ZNF496: variants seen among roughly 807,000 people sequenced by gnomAD.
ZNF496 encodes zinc finger protein 496.
ZNF496 carries 11 observed loss-of-function variants against 58.9 expected under a neutral mutation model. The observed-to-expected ratio is 0.19, with a 90% confidence interval of 0.12 to 0.31. The LOEUF (loss-of-function observed/expected upper bound fraction) is 0.31. Ranked by LOEUF, ZNF496 falls within the 10% of genes least tolerant of loss-of-function variation. The pLI, the probability that ZNF496 is intolerant of heterozygous loss-of-function variation, is 1.00. For missense variants in ZNF496, 660 were observed against 783.0 expected, an observed-to-expected ratio of 0.84 and a Z score of 1.88; for synonymous variants, 338 against 318.2, an observed-to-expected ratio of 1.06 and a Z score of -0.66.
At chr1:247,327,680 T>G (rs1660179856) in intron 5 of ZNF496, among the ~76,000 whole-genome samples, 1 of 152,226 alleles carries the variant, frequency 6.6e-6, no homozygotes, top group Non-Finnish European at 1.5e-5. Flanking sequence ...GTTTTATTAC[T>G]GAAAAGCTTA....
intron 9 of ZNF496, chr1:247,307,384 T>C: frequency 1.0e-6 from 1 of 985,448 alleles, no homozygotes; most frequent in Middle Eastern, 5.2e-4. Context: ...AAAACTCCTG[T>C]GTATAAATGA....
At chr1:247,328,120 GA>G (rs1660196276) in intron 5 of ZNF496, among the ~76,000 whole-genome samples, 1 of 152,162 alleles carries the variant, frequency 6.6e-6, no homozygotes, top group Non-Finnish European at 1.5e-5. Flanking sequence ...TTTATCTGAT[GA>G]AAAAACTACT....
chr1:247,304,827 G>A (rs1479907553), intron 9 of ZNF496, among the ~76,000 whole-genome samples: 1 of 151,980 alleles, frequency 6.6e-6, no homozygotes, highest in African/African-American at 2.4e-5. Context: ...TAGCTGGAGA[G>A]GGTTTTGCCT....
In ZNF496 at chr1:247,310,338, A is replaced by G; in HGVS notation, c.770T>C (p.Val257Ala). ...GEFIIGEDYG[V>A]SMPPNDLAAQ... is the part of the protein sequence containing the mutation. Reference sequence around the variant, plus strand: ...TTAAGTCTTACTTGGAGGCATTGAGACCCCGTAATCCTCCCCAATGATGAA... The same window carrying G: ...TTAAGTCTTACTTGGAGGCATTGAGGCCCCGTAATCCTCCCCAATGATGAA... The change falls in exon 7 of 10, where the codon GTC (valine) becomes GCC (alanine). Residue 257 changes from valine (V) to alanine (A), a missense_variant. Coordinates refer to ENST00000682384, the MANE Select transcript of ZNF496 (RefSeq NM_032752.3). The G allele has an allele frequency of 1.2e-6, 2 of 1,613,956 alleles. 1 individual carries two copies. The highest frequency in any genetic ancestry group is 2.2e-5 in the South Asian group (2 of 91,068).
intron 6 of ZNF496, among the ~76,000 whole-genome samples, chr1:247,315,416 T>C (rs1321240574): frequency 1.3e-5 from 2 of 152,082 alleles, no homozygotes; most frequent in Non-Finnish European, 2.9e-5. Context: ...ATGACAAACA[T>C]TGAGAACCCA....
rs765004187 is a variant in ZNF496, at chr1:247,301,069, G to C, written c.1214C>G (p.Ser405Cys). The C allele has an allele frequency of 1.2e-6, 2 of 1,613,766 alleles. No homozygotes were observed. Among genetic ancestry groups the C allele is most frequent in the Non-Finnish European group, 1.7e-6 (2 of 1,180,048 alleles). ...TTTCCCACAGTTCGGACACACGTAG[G>C]ACTTCTTGGAGGTCTGCACCTCGCC... ...AGGEVQTSKK[S>C]YVCPNCGKIF... is the part of the protein sequence containing the mutation. The change falls in exon 10 of 10, where the codon TCC (serine) becomes TGC (cysteine). Residue 405 changes from serine to cysteine, a missense_variant. Coordinates refer to ENST00000682384, the MANE Select transcript of ZNF496 (RefSeq NM_032752.3).
chr1:247,304,114 C>T (rs1445949687), intron 9 of ZNF496: 2 of 400,796 alleles, frequency 5.0e-6, no homozygotes, highest in Admixed American at 3.2e-5. Context: ...TGGGATTCTA[C>T]AAACTGGCCG....
In ZNF496 at chr1:247,300,757, G is replaced by C. The variant is rs367671097; in HGVS notation, c.1526C>G (p.Pro509Arg). Residue 509 changes from proline to arginine, a missense_variant, in exon 10 of 10, where the codon CCC becomes CGC. Coordinates refer to ENST00000682384, the MANE Select transcript of ZNF496 (RefSeq NM_032752.3). This position sits in a 1 kb window ranked among gnomAD's most constrained non-coding sequence, Gnocchi z 5.7. ...CTTGCCGTTTTCCAGCGGCTCTTTG[G>C]GACCCTTGTCCGCGTCCTCGGATGC... ...QAASEDADKG[P>R]KEPLENGKAK... 5.0e-6 allele frequency: 8 copies of C among 1,609,412 alleles called. No homozygotes were observed. The highest frequency in any genetic ancestry group is 6.8e-6 in the Non-Finnish European group (8 of 1,176,578).
intron 6 of ZNF496, among the ~76,000 whole-genome samples, chr1:247,314,055 C>T (rs997014846): frequency 3.3e-5 from 5 of 152,032 alleles, no homozygotes; most frequent in Admixed American, 6.6e-5. Context: ...ATTTTAATTT[C>T]TATTTTTATC....
chr1:247,317,736 GGA>G (rs2103026367), intron 6 of ZNF496, among the ~76,000 whole-genome samples: 1 of 152,290 alleles, frequency 6.6e-6, no homozygotes, highest in Admixed American at 6.5e-5. Flanking sequence ...TTCTCTTGCT[GGA>G]GCTATGTCAA....
rs1660265420 is a variant in ZNF496, at chr1:247,329,993, A to G, written c.-65T>C. On this transcript the variant is annotated 5_prime_UTR_variant, in exon 3 of 10. Coordinates refer to ENST00000682384, the MANE Select transcript of ZNF496 (RefSeq NM_032752.3). The surrounding 1 kb of genome is among the most constrained non-coding windows in gnomAD (Gnocchi z 5.5). The stretch of plus-strand genomic sequence containing the variant: ...TGGGTGGCTGGGTCCTCCTGGAGAG[A>G]TCCGAGATGGGCAGGCCAAGCAGGC... The G allele has an allele frequency of 6.0e-6, 1 of 166,442 alleles. No homozygotes were observed. The highest frequency in any genetic ancestry group is 1.9e-4 in the South Asian group (1 of 5,156). 10.3% of individuals were successfully genotyped at this position (166,442 alleles called of 1,614,324 possible). A position where few individuals can be genotyped will look rare whatever the true frequency, so the allele number is the denominator to read the frequency against.
chr1:247,327,638 T>G (rs984124669), intron 5 of ZNF496, among the ~76,000 whole-genome samples: 1 of 152,232 alleles, frequency 6.6e-6, no homozygotes, highest in Non-Finnish European at 1.5e-5. Context: ...CAATATAGTT[T>G]TTCCACACAC....
chr1:247,329,675 G>T lies in ZNF496; in HGVS notation c.-37-60C>A. 6.9e-7 allele frequency: 1 copy of T among 1,456,882 alleles called. No homozygotes were observed. The highest frequency in any genetic ancestry group is 1.4e-5 in the African/African-American group (1 of 70,574). 90.2% of individuals were successfully genotyped at this position (1,456,882 alleles called of 1,614,324 possible). On this transcript the variant is annotated intron_variant, in intron 3 of 9. Transcript: ENST00000682384. This position sits in a 1 kb window ranked among gnomAD's most constrained non-coding sequence, Gnocchi z 5.5. Reference sequence around the variant, plus strand: ...CTGGTCTCCTGTGGTCATTTCTGGGGGACAGTGACAAGGAAACTGTCAATG... The same window carrying T: ...CTGGTCTCCTGTGGTCATTTCTGGGTGACAGTGACAAGGAAACTGTCAATG...
In ZNF496 at chr1:247,299,327, G is replaced by A. The variant is rs1205338401; in HGVS notation, c.*1192C>T. 1 of 152,268 alleles carries A rather than the reference G, an allele frequency of 6.6e-6. No homozygotes were observed. Among genetic ancestry groups the A allele is most frequent in the Non-Finnish European group, 1.5e-5 (1 of 68,060 alleles). The allele number at this position is 152,268 out of a possible 1,614,324, so 9.4% of individuals were successfully genotyped here. On this transcript the variant is annotated 3_prime_UTR_variant, in exon 10 of 10. Transcript: ENST00000682384. ...CACGCACACAGCAAGAGTGCCATGT[G>A]GAGATGAAGGCAGAGACTGGGTGAC...
chr1:247,329,023 C>T lies in ZNF496; in HGVS notation c.391-157G>A, dbSNP rs1316384757. Among the ~76,000 whole-genome samples the T allele has an allele frequency of 6.6e-6, 1 of 152,138 alleles. No individual in the cohort carries two copies. The highest frequency in any genetic ancestry group is 6.5e-5 in the Admixed American group (1 of 15,280). Reference sequence around the variant, plus strand: ...CGACACTATCATGCCCAAATTAGAGCCTTCAGGGAGTAAAACTGGCTTTCT... The same window carrying T: ...CGACACTATCATGCCCAAATTAGAGTCTTCAGGGAGTAAAACTGGCTTTCT... On this transcript the variant is annotated intron_variant, in intron 4 of 9. Coordinates refer to ENST00000682384, the MANE Select transcript of ZNF496 (RefSeq NM_032752.3). The surrounding 1 kb of genome is among the most constrained non-coding windows in gnomAD (Gnocchi z 5.5).
Position 247,310,396 on chromosome 1 carries a change from G to T in ZNF496, c.712C>A (p.Leu238Ile), listed in dbSNP as rs752250787. Residue 238 changes from leucine to isoleucine, a missense_variant, in exon 7 of 10, where the codon CTA (leucine) becomes ATA (isoleucine). Leu to Ile is a conservative substitution (Grantham distance 5). Transcript: ENST00000682384. ...LCFSEEDWSL[L>I]DPAQTGFYGE... is the part of the protein sequence containing the mutation. ...TAGAAGCCAGTCTGGGCAGGATCTA[G>T]AAGGGACCAATCCTCTTCAGAGAAG... is the stretch of plus-strand genomic sequence containing the variant. 1.9e-6 allele frequency: 3 copies of T among 1,614,156 alleles called. No homozygotes were observed. In the South Asian group the frequency reaches 3.3e-5, roughly 18 times the overall value.
Position 247,310,309 on chromosome 1 carries a change from G to A in ZNF496, c.784+15C>T, listed in dbSNP as rs1250657020. The A allele has an allele frequency of 1.2e-6, 2 of 1,613,900 alleles. No homozygotes were observed. Among genetic ancestry groups the A allele is most frequent in the African/African-American group, 2.7e-5 (2 of 74,920 alleles). ...GTTCCCTGGTCTTGAGGTGTGGGGGGAAGTTAAGTCTTACTTGGAGGCATT... is the reference window on the plus strand; with the variant it reads ...GTTCCCTGGTCTTGAGGTGTGGGGGAAAGTTAAGTCTTACTTGGAGGCATT... On this transcript the variant is annotated intron_variant, in intron 7 of 9. Coordinates refer to ENST00000682384, the MANE Select transcript of ZNF496 (RefSeq NM_032752.3).
intron 6 of ZNF496, among the ~76,000 whole-genome samples, chr1:247,316,045 T>C (rs1307229289): frequency 7.9e-6 from 1 of 126,282 alleles, no homozygotes; most frequent in Non-Finnish European, 1.8e-5. Context: ...AACTTGATGT[T>C]GGTTTCTTAA....
intron 6 of ZNF496, among the ~76,000 whole-genome samples, chr1:247,314,706 G>A (rs1037106857): frequency 6.6e-5 from 10 of 152,124 alleles, no homozygotes; most frequent in African/African-American, 2.4e-4. Flanking sequence ...CCGGGTGTTG[G>A]GGCCAGGCAC....
Sources: allele counts gnomAD v4.1 joint callset (sites outside exome capture counted in the v4.1 genomes callset), GRCh38; gene constraint gnomAD v4.1.1; non-coding constraint Gnocchi (gnomAD v3.1); transcripts MANE v1.5; gene names NCBI Gene and HGNC (gene_info 2026-07-23, HGNC 2026-07-21).